The following ZIM2 variants were observed in gnomAD, a reference collection of about 807,000 sequenced individuals.
ZIM2 encodes zinc finger imprinted 2, also known as zinc finger protein 656.
Under a neutral mutation model 38.6 loss-of-function variants are expected in ZIM2, and 14 were observed. That is an observed-to-expected ratio of 0.36 (90% CI 0.24 to 0.57). ZIM2 has a LOEUF of 0.57. ZIM2 is among the 20% of genes least tolerant of loss of function. The pLI is 0.81. For missense variants in ZIM2, 680 were observed against 695.1 expected (o/e 0.98, Z 0.24); for synonymous variants, 247 against 245.8 (o/e 1.00, Z -0.04).
intron 1 of ZIM2, among the ~76,000 whole-genome samples, chr19:56,839,973 A>C (rs938712612): frequency 2.6e-5 from 4 of 152,214 alleles, no homozygotes; most frequent in Admixed American, 1.3e-4. Context: ...GGGGAAAGAA[A>C]ACCCCTACAG....
chr19:56,775,649 C>T, intron 12 of ZIM2, 120 bp from the exon 13 acceptor site: 2 of 1,455,420 alleles, frequency 1.4e-6, no homozygotes, highest in Non-Finnish European at 1.8e-6. Context: ...GGTCTCTTTT[C>T]CTAATCTGAA....
intron 12 of ZIM2, among the ~76,000 whole-genome samples, 186 bp from the exon 13 acceptor site, chr19:56,775,715 A>G (rs1485894696): frequency 1.3e-5 from 2 of 152,152 alleles, no homozygotes; most frequent in African/African-American, 4.8e-5. Flanking sequence ...TACCAATATA[A>G]TAGAAATAAA....
chr19:56,838,216 C>T (rs927440344), intron 1 of ZIM2, among the ~76,000 whole-genome samples: 4 of 152,346 alleles, frequency 2.6e-5, no homozygotes, highest in Middle Eastern at 6.8e-3. Flanking sequence ...ACTGCCCTCA[C>T]GTGCCCCATT....
chr19:56,775,507 C>T lies in ZIM2; in HGVS notation c.858G>A (p.Leu286=), dbSNP rs2045951279. The T allele has an allele frequency of 2.5e-6, 4 of 1,612,334 alleles. No homozygotes were observed. The East Asian group carries it at 8.9e-5, about 36-fold the overall frequency. Residue 286 remains leucine (L), a synonymous_variant, in exon 13 of 13, where the codon TTG becomes TTA. Coordinates refer to ENST00000629319, the MANE Select transcript of ZIM2 (RefSeq NM_001387356.1). ...TCTCTTGGTTGCCCTGGTGTGGTTC[C>T]AATGGATCATCATGAGACTCTCCTG... The part of the protein sequence containing the change: ...ICQGESHDDP[L]EPHQGNQEKL...
In ZIM2 at chr19:56,823,571, A is replaced by G. The variant is rs764036543; in HGVS notation, c.106+19T>C. The G allele has an allele frequency of 6.2e-6, 10 of 1,613,878 alleles. No individual in the cohort carries two copies. The highest frequency in any genetic ancestry group is 8.5e-6 in the Non-Finnish European group (10 of 1,179,806). ...TGGCAGCGCCTGCCCATGGGTGACCAGTGGGGATGGGTACTCACCACTGAA... is the reference window on the plus strand; with the variant it reads ...TGGCAGCGCCTGCCCATGGGTGACCGGTGGGGATGGGTACTCACCACTGAA... On this transcript the variant is annotated intron_variant, in intron 5 of 12. Transcript: ENST00000629319.
intron 9 of ZIM2, chr19:56,799,112 G>A (rs1437970883): frequency 6.6e-6 from 1 of 152,128 alleles, no homozygotes; most frequent in Non-Finnish European, 1.5e-5. Flanking sequence ...TCATTACTGG[G>A]TATATACCCA....
intron 1 of ZIM2, among the ~76,000 whole-genome samples, chr19:56,837,598 C>T (rs527489989): frequency 2.0e-5 from 3 of 152,366 alleles, no homozygotes; most frequent in Non-Finnish European, 4.4e-5. Flanking sequence ...CGCCACCAGC[C>T]ATGAGGGCAC....
At chr19:56,815,474 TC>T in intron 9 of ZIM2, 1 of 1,614,114 alleles carries the variant, frequency 6.2e-7, no homozygotes, top group Non-Finnish European at 8.5e-7. Flanking sequence ...CTATCATGAA[TC>T]TTCTGGTGCT....
intron 11 of ZIM2, among the ~76,000 whole-genome samples, chr19:56,780,432 C>T (rs183297154): frequency 3.3e-5 from 5 of 151,874 alleles, no homozygotes; most frequent in South Asian, 2.1e-4. Context: ...TTAGTAGAGA[C>T]GGGGTTTCAC....
intron 9 of ZIM2, among the ~76,000 whole-genome samples, chr19:56,800,842 G>C (rs905600960): frequency 1.3e-5 from 2 of 151,746 alleles, no homozygotes; most frequent in African/African-American, 4.8e-5. Context: ...TTTTGTATAT[G>C]ATTAAGTTGG....
At chr19:56,837,478 G>A (rs2062285661) in intron 1 of ZIM2, among the ~76,000 whole-genome samples, 2 of 152,180 alleles carry the variant, frequency 1.3e-5, no homozygotes, top group South Asian at 4.1e-4. Context: ...CTCTTAAAAC[G>A]TCTGAGTTTG....
chr19:56,815,278 T>G (rs764519233), intron 9 of ZIM2: 1 of 1,614,254 alleles, frequency 6.2e-7, no homozygotes, highest in South Asian at 1.1e-5. Context: ...AGACTTCTCT[T>G]GGTCATAGAT....
intron 10 of ZIM2, among the ~76,000 whole-genome samples, chr19:56,784,816 A>G (rs552953852): frequency 5.4e-4 from 82 of 152,326 alleles, no homozygotes; most frequent in African/African-American, 1.9e-3. Flanking sequence ...TAAAACACAT[A>G]AGATCCCTTG....
At chr19:56,777,983 G>A (rs1048200842) in intron 12 of ZIM2, among the ~76,000 whole-genome samples, 9 of 151,964 alleles carry the variant, frequency 5.9e-5, no homozygotes, top group African/African-American at 1.9e-4. Flanking sequence ...CTTGCTGTTC[G>A]CTCTGCCTGT....
intron 9 of ZIM2, chr19:56,810,663 C>T: frequency 1.0e-6 from 1 of 963,948 alleles, no homozygotes; most frequent in Non-Finnish European, 1.2e-6. Flanking sequence ...TAACCAAATT[C>T]CCACAATGAC....
At chr19:56,801,828 A>C (rs781175551) in intron 9 of ZIM2, among the ~76,000 whole-genome samples, 1 of 152,208 alleles carries the variant, frequency 6.6e-6, no homozygotes, top group East Asian at 1.9e-4. Flanking sequence ...TAAGGTGTCC[A>C]ACAACCGGGA....
intron 3 of ZIM2, among the ~76,000 whole-genome samples, chr19:56,825,552 G>T (rs1339605825): frequency 1.6e-5 from 2 of 127,894 alleles, no homozygotes; most frequent in Non-Finnish European, 3.4e-5. Flanking sequence ...TAAATGTAAA[G>T]ATTTTCAATC....
Position 56,774,925 on chromosome 19 carries a change from T to C in ZIM2, c.1440A>G (p.Thr480=), listed in dbSNP as rs1257675317. Residue 480 remains threonine (T), a synonymous_variant, in exon 13 of 13, where the codon ACA becomes ACG. Coordinates refer to ENST00000629319, the MANE Select transcript of ZIM2 (RefSeq NM_001387356.1). The stretch of plus-strand genomic sequence containing the variant: ...GTTTCCGCTGATAACGAATTAAGTA[T>C]GTCTTGCTGTGGGACAACCCAGGAG... ...VLPPGLSHSK[T]YLIRYQRKHD... The C allele has an allele frequency of 2.5e-6, 4 of 1,614,210 alleles. No individual in the cohort carries two copies. The highest frequency in any genetic ancestry group is 3.4e-6 in the Non-Finnish European group (4 of 1,180,028).
In ZIM2 at chr19:56,824,242, C is replaced by T. The variant is rs76519301; in HGVS notation, c.16+20G>A. On this transcript the variant is annotated intron_variant, in intron 4 of 12. Coordinates refer to ENST00000629319, the MANE Select transcript of ZIM2 (RefSeq NM_001387356.1). ...ACCTGAGGCCTGCACTGACCACCAA[C>T]ACCCCGTGGAGACTCTCACCTTCTG... 12,390 of 1,609,252 alleles carry T rather than the reference C, an allele frequency of 7.7e-3. 1,005 individuals carry two copies. In the East Asian group the frequency reaches 0.2, roughly 26 times the overall value.
Sources: gnomAD v4.1 joint callset for allele counts (sites outside exome capture counted in the v4.1 genomes callset) on GRCh38, gnomAD v4.1.1 for gene constraint, MANE v1.5 for transcripts, NCBI Gene and HGNC (gene_info 2026-07-23, HGNC 2026-07-21) for gene names.